Variants in PROX1 observed in about 807,000 individuals in gnomAD.
PROX1 encodes the protein prospero homeobox protein 1.
Under a neutral mutation model 58.8 loss-of-function variants are expected in PROX1, and 7 were observed. That is an observed-to-expected ratio of 0.12 (90% confidence interval 0.07 to 0.22). PROX1 has a LOEUF of 0.22. Among genes scored for constraint, PROX1 ranks in the 10% least tolerant of loss-of-function variants. The pLI is 1.00. For missense variants in PROX1, 675 were observed against 927.8 expected, an observed-to-expected ratio of 0.73 and a Z score of 3.54; for synonymous variants, 350 against 358.3, an observed-to-expected ratio of 0.98 and a Z score of 0.26.
chr1:214,027,244 T>C (rs1664490325), intron 4 of PROX1, among the ~76,000 whole-genome samples: 1 of 139,328 alleles, frequency 7.2e-6, no homozygotes, highest in South Asian at 2.6e-4. Flanking sequence ...CACATTAACA[T>C]GACATTGCCT....
intron 2 of PROX1, among the ~76,000 whole-genome samples, chr1:214,002,405 CTTTTTTCT>C (rs1377355115): frequency 8.2e-6 from 1 of 121,538 alleles, no homozygotes; most frequent in African/African-American, 3.3e-5. Context: ...TTTTTTTTTT[CTTTTTTCT>C]TTTTTTTTTT....
At chr1:214,012,961 T>A (rs1663965577) in intron 4 of PROX1, among the ~76,000 whole-genome samples, 1 of 152,280 alleles carries the variant, frequency 6.6e-6, no homozygotes, top group Non-Finnish European at 1.5e-5. Context: ...CCTACAGTTC[T>A]TGGCAATGCA....
chr1:214,039,609 C>A lies in PROX1; in HGVS notation c.*3775C>A, dbSNP rs1664940438. 1.3e-5 allele frequency: 2 copies of A among 152,218 alleles called. No homozygotes were observed. The highest frequency in any genetic ancestry group is 4.8e-5 in the African/African-American group (2 of 41,448). The allele number at this position is 152,218 out of a possible 1,614,324, so 9.4% of individuals were successfully genotyped here. On this transcript the variant is annotated 3_prime_UTR_variant, in exon 5 of 5. Coordinates refer to ENST00000366958, the MANE Select transcript of PROX1 (RefSeq NM_001270616.2). ...TCTGTTGAATTTACTAGGAACACTA[C>A]AGTGACTGTATAGACAGTTGAAAGC... is the stretch of plus-strand genomic sequence containing the variant.
Position 214,038,304 on chromosome 1 carries a change from C to G in PROX1, c.*2470C>G, listed in dbSNP as rs1045339700. On this transcript the variant is annotated 3_prime_UTR_variant, in exon 5 of 5. Coordinates refer to ENST00000366958, the MANE Select transcript of PROX1 (RefSeq NM_001270616.2). Reference sequence around the variant, plus strand: ...TATCACTATGCTTTCCGGTGGTTTTCCCTTTTACAATCGAAATCTTGTGCC... The same window carrying G: ...TATCACTATGCTTTCCGGTGGTTTTGCCTTTTACAATCGAAATCTTGTGCC... The G allele has an allele frequency of 6.6e-6, 1 of 152,078 alleles. No homozygotes were observed. Among genetic ancestry groups the G allele is most frequent in the African/African-American group, 2.4e-5 (1 of 41,412 alleles). 9.4% of individuals were successfully genotyped at this position (152,078 alleles called of 1,614,324 possible). A position where few individuals can be genotyped will look rare whatever the true frequency, so the allele number is the denominator to read the frequency against.
chr1:213,994,421 T>A (rs895381771), intron 1 of PROX1, among the ~76,000 whole-genome samples: 1 of 152,008 alleles, frequency 6.6e-6, no homozygotes, highest in African/African-American at 2.4e-5. Context: ...CAGAAAAAAG[T>A]CTTCCTTGTA....
At chr1:214,027,255 G>A (rs954595527) in intron 4 of PROX1, among the ~76,000 whole-genome samples, 3 of 146,620 alleles carry the variant, frequency 2.0e-5, no homozygotes, top group African/African-American at 7.7e-5. Flanking sequence ...GACATTGCCT[G>A]GTGAGCACAG....
At chr1:214,000,696 T>C (rs1033701744) in intron 2 of PROX1, among the ~76,000 whole-genome samples, 1 of 152,158 alleles carries the variant, frequency 6.6e-6, no homozygotes, top group Admixed American at 6.6e-5. Context: ...TCAGGAAGAG[T>C]AAGATAGGCA....
chr1:214,034,887 T>G (rs978343485), intron 4 of PROX1, among the ~76,000 whole-genome samples: 3 of 152,154 alleles, frequency 2.0e-5, no homozygotes, highest in South Asian at 4.1e-4. Context: ...AATGACATAA[T>G]TCACATTCAG....
rs1240860395 is a variant in PROX1, at chr1:214,041,309, A to G, written c.*5475A>G. 1 of 152,086 alleles carries G rather than the reference A, an allele frequency of 6.6e-6. No individual in the cohort carries two copies. Among genetic ancestry groups the G allele is most frequent in the African/African-American group, 2.4e-5 (1 of 41,444 alleles). The allele number at this position is 152,086 out of a possible 1,614,324, so 9.4% of individuals were successfully genotyped here. A position where few individuals can be genotyped will look rare whatever the true frequency, so the allele number is the denominator to read the frequency against. ...ACTTTTAATTTTTGGACCTGTATCC[A>G]ATTGTAGGACAGTAGGCTAGTTGTG... On this transcript the variant is annotated 3_prime_UTR_variant, in exon 5 of 5. Coordinates refer to ENST00000366958, the MANE Select transcript of PROX1 (RefSeq NM_001270616.2).
Position 213,998,122 on chromosome 1 carries a change from A to T in PROX1, c.1587A>T (p.Ser529=). The T allele has an allele frequency of 6.2e-7, 1 of 1,614,204 alleles. No homozygotes were observed. The highest frequency in any genetic ancestry group is 8.5e-7 in the Non-Finnish European group (1 of 1,180,032). Residue 529 remains serine (S), a synonymous_variant, in exon 2 of 5, where the codon TCA becomes TCT. Transcript: ENST00000366958. The stretch of plus-strand genomic sequence containing the variant: ...CCACGAGTCTGAGGACCAAGATGTC[A>T]TCTCACCACCTGAGCCACCACCCTT... ...RDTTSLRTKM[S]SHHLSHHPCS... is the part of the protein sequence containing the mutation.
intron 4 of PROX1, among the ~76,000 whole-genome samples, chr1:214,020,802 G>A (rs527486899): frequency 6.6e-6 from 1 of 152,330 alleles, no homozygotes; most frequent in South Asian, 2.1e-4. Context: ...GTTTTCAGGT[G>A]TAGTTAAAGG....
At chr1:213,996,086 T>C (rs1663252535) in intron 1 of PROX1, among the ~76,000 whole-genome samples, 1 of 152,214 alleles carries the variant, frequency 6.6e-6, no homozygotes. Context: ...TTCTTAAGTA[T>C]AGAGCAGTTT....
chr1:214,008,136 C>T (rs936371663), intron 3 of PROX1, among the ~76,000 whole-genome samples: 3 of 152,138 alleles, frequency 2.0e-5, no homozygotes, highest in Admixed American at 6.5e-5. Flanking sequence ...ACTGCAACCT[C>T]CACCTCCTGG....
At position 214,036,588 on chromosome 1, in the gene PROX1, G is replaced by T. The variant is rs1030898200; in HGVS notation, c.*754G>T. 6.6e-6 allele frequency: 1 copy of T among 152,108 alleles called. No homozygotes were observed. The highest frequency in any genetic ancestry group is 1.5e-5 in the Non-Finnish European group (1 of 68,004). The allele number at this position is 152,108 out of a possible 1,614,324, so 9.4% of individuals were successfully genotyped here. On this transcript the variant is annotated 3_prime_UTR_variant, in exon 5 of 5. Transcript: ENST00000366958. Reference sequence around the variant, plus strand: ...GCCACCTCTCTAAACTTGAAAATAGGTTCTTCTTCATAAGTGAGCTTACAT... The same window carrying T: ...GCCACCTCTCTAAACTTGAAAATAGTTTCTTCTTCATAAGTGAGCTTACAT...
chr1:213,994,762 T>TATATATAA (rs1663183278), intron 1 of PROX1, among the ~76,000 whole-genome samples: 1 of 21,316 alleles, frequency 4.7e-5, no homozygotes, highest in Non-Finnish European at 9.6e-5. Flanking sequence ...TATATATATA[T>TATATATAA]ATATATATAT....
intron 4 of PROX1, among the ~76,000 whole-genome samples, chr1:214,019,743 C>G (rs575394627): frequency 2.0e-5 from 3 of 152,294 alleles, no homozygotes; most frequent in Admixed American, 2.0e-4. Context: ...AGAGCCCAAG[C>G]ACATCTTCTT....
At chr1:214,023,224 T>A (rs552860686) in intron 4 of PROX1, among the ~76,000 whole-genome samples, 4 of 152,348 alleles carry the variant, frequency 2.6e-5, no homozygotes, top group African/African-American at 7.2e-5. Context: ...CCTCATGCCA[T>A]TGGGTTTTCT....
chr1:213,996,058 C>A (rs1663252033), intron 1 of PROX1, among the ~76,000 whole-genome samples: 1 of 152,148 alleles, frequency 6.6e-6, no homozygotes, highest in African/African-American at 2.4e-5. Context: ...TTCTCATAGT[C>A]TCAAAATTTA....
chr1:214,032,655 A>C (rs1571846738), intron 4 of PROX1, among the ~76,000 whole-genome samples: 2 of 152,220 alleles, frequency 1.3e-5, no homozygotes, highest in East Asian at 3.9e-4. Flanking sequence ...AGTAACTGCC[A>C]CTCTAGAGCA....
Sources: allele counts gnomAD v4.1 joint callset (sites outside exome capture counted in the v4.1 genomes callset), GRCh38; gene constraint gnomAD v4.1.1; transcripts MANE v1.5; gene names NCBI Gene and HGNC (gene_info 2026-07-23, HGNC 2026-07-21).